Variants in ATP6V0A1 observed in about 807,000 individuals in gnomAD.
The protein encoded by ATP6V0A1 is ATPase H+ transporting V0 subunit a1.
A neutral mutation model predicts 105.4 loss-of-function variants in ATP6V0A1; 43 were observed. The observed-to-expected ratio is 0.41, with a 90% CI of 0.32 to 0.53. The LOEUF (loss-of-function observed/expected upper bound fraction) is 0.53, where lower values mean the gene tolerates loss of function less well. ATP6V0A1 is among the 20% of genes least tolerant of loss of function. ATP6V0A1 has a pLI of 0.30. For missense variants in ATP6V0A1, 676 were observed against 1,051.1 expected, an observed-to-expected ratio of 0.64 and a Z score of 4.93; for synonymous variants, 362 against 372.8, an observed-to-expected ratio of 0.97 and a Z score of 0.33.
chr17:42,500,659 G>A lies in ATP6V0A1; in HGVS notation c.1680-48G>A. The A allele has an allele frequency of 2.1e-6, 3 of 1,448,422 alleles. No homozygotes were observed. In the South Asian group the frequency reaches 3.4e-5, roughly 17 times the overall value. The allele number at this position is 1,448,422 out of a possible 1,614,324, so 89.7% of individuals were successfully genotyped here. Reference sequence around the variant, plus strand: ...TGAATACTCCATTCAGTGTAGGAGTGGCCCTAGGCCCATTTACCCTTAACA... The same window carrying A: ...TGAATACTCCATTCAGTGTAGGAGTAGCCCTAGGCCCATTTACCCTTAACA... On this transcript the variant is annotated intron_variant, in intron 15 of 21. Transcript: ENST00000343619.
chr17:42,495,526 A>G (rs1330463327), intron 13 of ATP6V0A1, 100 bp from the exon 14 acceptor site: 96 of 906,130 alleles, frequency 1.1e-4, no homozygotes, highest in African/African-American at 1.7e-5. Context: ...TATTGAAGAG[A>G]CAAGATAGCT....
intron 15 of ATP6V0A1, 75 bp downstream of exon 15, chr17:42,499,117 T>A: frequency 9.1e-7 from 1 of 1,095,012 alleles, no homozygotes; most frequent in Non-Finnish European, 1.4e-6. Context: ...TCATGACATC[T>A]TTGGGGAGGG....
chr17:42,520,977 G>A (rs2092818954), intron 21 of ATP6V0A1, 50 bp from the exon 22 acceptor site: 1 of 1,491,370 alleles, frequency 6.7e-7, no homozygotes, highest in African/African-American at 1.4e-5. Context: ...GTCCTAAAAA[G>A]CTTCACAAAG....
At chr17:42,490,216 T>A (rs998619943) in intron 10 of ATP6V0A1, among the ~76,000 whole-genome samples, 5 of 152,166 alleles carry the variant, frequency 3.3e-5, no homozygotes, top group Non-Finnish European at 5.9e-5. Flanking sequence ...TAAAGTTAAA[T>A]TTTTTTCACA....
chr17:42,515,452 G>A (rs1322124339), intron 21 of ATP6V0A1, among the ~76,000 whole-genome samples: 3 of 129,834 alleles, frequency 2.3e-5, no homozygotes, highest in African/African-American at 9.2e-5. Context: ...CTGGGCAACA[G>A]AGCGAGACTC....
intron 2 of ATP6V0A1, among the ~76,000 whole-genome samples, chr17:42,461,761 C>T (rs1180840495): frequency 7.2e-5 from 11 of 152,114 alleles, no homozygotes; most frequent in Admixed American, 7.2e-4. Flanking sequence ...CAGAGCAAGA[C>T]TCCGTCTCAA....
Position 42,478,529 on chromosome 17 carries a change from C to T in ATP6V0A1, c.573C>T (p.Cys191=). 1 of 1,609,804 alleles carries T rather than the reference C, an allele frequency of 6.2e-7. No individual in the cohort carries two copies. The change falls in exon 7 of 22, where the codon TGC becomes TGT. Residue 191 remains cysteine, a synonymous_variant. Transcript: ENST00000343619. ...PTFERMLWRV[C]RGNVFLRQAE... Reference sequence around the variant, plus strand: ...TTGAGCGCATGCTTTGGCGGGTATGCCGGGGAAATGTGTTCCTGCGACAGG... The same window carrying T: ...TTGAGCGCATGCTTTGGCGGGTATGTCGGGGAAATGTGTTCCTGCGACAGG...
chr17:42,513,062 T>A (rs2092427879), intron 19 of ATP6V0A1, among the ~76,000 whole-genome samples: 1 of 152,230 alleles, frequency 6.6e-6, no homozygotes, highest in South Asian at 2.1e-4. Flanking sequence ...AAGAGCTTGT[T>A]CCAGCCCATT....
intron 14 of ATP6V0A1, among the ~76,000 whole-genome samples, chr17:42,498,233 T>A (rs1369893068): frequency 1.3e-5 from 2 of 152,056 alleles, no homozygotes; most frequent in African/African-American, 4.8e-5. Context: ...CGAAATTCCA[T>A]CTCAATAAAT....
intron 18 of ATP6V0A1, among the ~76,000 whole-genome samples, chr17:42,508,198 T>G (rs2092143451): frequency 6.6e-6 from 1 of 152,244 alleles, no homozygotes; most frequent in South Asian, 2.1e-4. Context: ...TCTCCTTGCC[T>G]GACCCCTTGT....
chr17:42,496,341 A>G (rs1255558407), intron 14 of ATP6V0A1: 1 of 152,168 alleles, frequency 6.6e-6, no homozygotes, highest in African/African-American at 2.4e-5. Flanking sequence ...TTTAGCAGAC[A>G]TTTTAGCAAA....
chr17:42,484,930 A>G (rs1598854800), intron 9 of ATP6V0A1, among the ~76,000 whole-genome samples: 2 of 150,146 alleles, frequency 1.3e-5, no homozygotes, highest in Admixed American at 6.7e-5. Context: ...GCTCACTGCA[A>G]CCTCTGCCTC....
chr17:42,489,864 G>C (rs1255778410), intron 10 of ATP6V0A1, among the ~76,000 whole-genome samples: 4 of 152,154 alleles, frequency 2.6e-5, no homozygotes, highest in African/African-American at 9.6e-5. Flanking sequence ...GAAAAAAAAG[G>C]TTGGGGTCTT....
intron 21 of ATP6V0A1, among the ~76,000 whole-genome samples, chr17:42,514,772 T>C (rs562975050): frequency 1.3e-5 from 2 of 152,242 alleles, no homozygotes; most frequent in East Asian, 3.9e-4. Flanking sequence ...GCTGGGGTCT[T>C]AGGGTTTCTG....
chr17:42,495,622 G>T lies in ATP6V0A1; in HGVS notation c.1470-4G>T. ...ATAATGTGACTTTTTCCCTGTCATG[G>T]TAGTGAAGAGACGCTTCGGGGGAAC... is the stretch of plus-strand genomic sequence containing the variant. On this transcript the variant is annotated splice_polypyrimidine_tract_variant and splice_region_variant and intron_variant, in intron 13 of 21. Coordinates refer to ENST00000343619, the MANE Select transcript of ATP6V0A1 (RefSeq NM_001130021.3). 1 of 1,607,942 alleles carries T rather than the reference G, an allele frequency of 6.2e-7. No homozygotes were observed. Among genetic ancestry groups the T allele is most frequent in the Non-Finnish European group, 8.5e-7 (1 of 1,174,560 alleles).
intron 17 of ATP6V0A1, among the ~76,000 whole-genome samples, chr17:42,502,214 T>C (rs1462770544): frequency 6.6e-6 from 1 of 152,220 alleles, no homozygotes; most frequent in Non-Finnish European, 1.5e-5. Flanking sequence ...CACGCTGCGC[T>C]CAGGAAAATG....
At chr17:42,489,535 AATG>A (rs2145957549) in intron 10 of ATP6V0A1, among the ~76,000 whole-genome samples, 1 of 152,302 alleles carries the variant, frequency 6.6e-6, no homozygotes, top group South Asian at 2.1e-4. Flanking sequence ...TGGGAAAAAA[AATG>A]ATGAATTGTG....
In ATP6V0A1 at chr17:42,483,065, T is replaced by C; in HGVS notation, c.744T>C (p.Pro248=). The C allele has an allele frequency of 1.3e-6, 2 of 1,567,116 alleles. No individual in the cohort carries two copies. Among genetic ancestry groups the C allele is most frequent in the Non-Finnish European group, 8.7e-7 (1 of 1,153,802 alleles). ...EGFRASLYPC[P]ETPQERKEMA... ...TCCGAGCCTCACTCTATCCCTGTCC[T>C]GAGACACCACAGGAGAGGAAGGAAA... The change falls in exon 9 of 22, where the codon CCT becomes CCC. Residue 248 remains proline (P), a synonymous_variant. Transcript: ENST00000343619.
Position 42,486,052 on chromosome 17 carries a change from T to C in ATP6V0A1, c.811-1103T>C, listed in dbSNP as rs141479867. Among the ~76,000 whole-genome samples, 9 of 152,346 alleles carry C rather than the reference T, an allele frequency of 5.9e-5. No homozygotes were observed. In the East Asian group the frequency reaches 1.5e-3, roughly 26 times the overall value. ...AAGAATTGTCTATGATGGAGACTTG[T>C]GCTTTGGGTTGCTTGCCTAATTTCT... On this transcript the variant is annotated intron_variant, in intron 9 of 21. Coordinates refer to ENST00000343619, the MANE Select transcript of ATP6V0A1 (RefSeq NM_001130021.3).
Sources: allele counts gnomAD v4.1 joint callset (sites outside exome capture counted in the v4.1 genomes callset), GRCh38; gene constraint gnomAD v4.1.1; transcripts MANE v1.5; gene names NCBI Gene and HGNC (gene_info 2026-07-23, HGNC 2026-07-21).